The following LYPD6B variants were observed in gnomAD, a reference collection of about 807,000 sequenced individuals.
LYPD6B encodes ly6/PLAUR domain-containing protein 6B.
LYPD6B carries 17 observed loss-of-function variants against 22.8 expected under a neutral mutation model. That is an observed-to-expected ratio of 0.75 (90% CI 0.51 to 1.12). LYPD6B has a LOEUF of 1.12. Among genes scored for constraint, LYPD6B ranks in the 50% most tolerant of loss-of-function variants. The probability of loss-of-function intolerance (pLI) is 0.00; values close to 1 mark genes in which losing one functional copy is unlikely to be tolerated. For missense variants in LYPD6B, 221 were observed against 258.3 expected (o/e 0.86, Z 0.99); for synonymous variants, 106 against 91.6 (o/e 1.16, Z -0.90).
chr2:149,069,056 C>G (rs1684472901), intron 1 of LYPD6B: 1 of 152,926 alleles, frequency 6.5e-6, no homozygotes, highest in Non-Finnish European at 1.5e-5. Flanking sequence ...CCCCCAACCC[C>G]CACCCCGAAG....
At chr2:149,056,486 G>A (rs895952165) in intron 1 of LYPD6B, among the ~76,000 whole-genome samples, 16 of 151,998 alleles carry the variant, frequency 1.1e-4, no homozygotes, top group African/African-American at 3.9e-4. Flanking sequence ...TTTCTACCTT[G>A]TAGAATCAAA....
At chr2:149,107,205 A>G (rs1007579926) in intron 1 of LYPD6B, among the ~76,000 whole-genome samples, 2 of 152,202 alleles carry the variant, frequency 1.3e-5, no homozygotes, top group East Asian at 1.9e-4. Context: ...TAAAATGCCT[A>G]TATGATGAGA....
chr2:149,127,205 G>A (rs1240262324), intron 1 of LYPD6B, among the ~76,000 whole-genome samples: 1 of 151,826 alleles, frequency 6.6e-6, no homozygotes, highest in Non-Finnish European at 1.5e-5. Flanking sequence ...GTAATTGAGG[G>A]TGTAATTCTG....
At chr2:149,211,648 A>G (rs955573674) in intron 5 of LYPD6B, among the ~76,000 whole-genome samples, 14 of 152,186 alleles carry the variant, frequency 9.2e-5, no homozygotes, top group Middle Eastern at 3.2e-3. Flanking sequence ...CAAAAAAAAA[A>G]AAATGAGCTC....
chr2:149,171,073 G>A (rs1003042229), intron 3 of LYPD6B, among the ~76,000 whole-genome samples: 9 of 152,154 alleles, frequency 5.9e-5, no homozygotes, highest in African/African-American at 9.7e-5. Context: ...ATGTCCTGTC[G>A]GGTCAGTGTG....
At chr2:149,094,613 TAGAC>T (rs1685818159) in intron 1 of LYPD6B, among the ~76,000 whole-genome samples, 1 of 152,214 alleles carries the variant, frequency 6.6e-6, no homozygotes, top group Non-Finnish European at 1.5e-5. Context: ...CATTAGCTCT[TAGAC>T]AGATTCTTCT....
intron 3 of LYPD6B, among the ~76,000 whole-genome samples, chr2:149,176,959 T>C (rs1026863078): frequency 6.6e-6 from 1 of 152,228 alleles, no homozygotes; most frequent in African/African-American, 2.4e-5. Flanking sequence ...CCTGGTCATC[T>C]AAACATCCTC....
intron 3 of LYPD6B, among the ~76,000 whole-genome samples, chr2:149,195,619 C>T (rs952341272): frequency 3.0e-4 from 45 of 152,224 alleles, no homozygotes; most frequent in African/African-American, 1.1e-3. Context: ...CATATGTGCT[C>T]AGATAATCAT....
intron 1 of LYPD6B, among the ~76,000 whole-genome samples, chr2:149,048,311 A>G (rs1051442073): frequency 1.4e-4 from 21 of 152,166 alleles, no homozygotes; most frequent in African/African-American, 5.1e-4. Flanking sequence ...TAGTCAGAAG[A>G]TGAACTGGGT....
At chr2:149,171,793 A>G (rs1474067732) in intron 3 of LYPD6B, among the ~76,000 whole-genome samples, 1 of 152,162 alleles carries the variant, frequency 6.6e-6, no homozygotes, top group African/African-American at 2.4e-5. Flanking sequence ...ACACTCTACT[A>G]CTGAAATTTG....
intron 1 of LYPD6B, among the ~76,000 whole-genome samples, chr2:149,047,094 G>A (rs1683342811): frequency 6.6e-6 from 1 of 152,126 alleles, no homozygotes; most frequent in Non-Finnish European, 1.5e-5. Flanking sequence ...ATCTTTTATA[G>A]CAATTAAAAT....
chr2:149,120,065 T>A (rs1372216149), intron 1 of LYPD6B, among the ~76,000 whole-genome samples: 1 of 152,028 alleles, frequency 6.6e-6, no homozygotes, highest in Non-Finnish European at 1.5e-5. Context: ...ACTTATTGAT[T>A]GGAAGGCAGG....
chr2:149,122,894 C>G (rs184570137), intron 1 of LYPD6B, among the ~76,000 whole-genome samples: 2 of 152,306 alleles, frequency 1.3e-5, no homozygotes, highest in Admixed American at 6.5e-5. Context: ...TACCTTATAA[C>G]TGAGTACTGT....
At position 149,205,341 on chromosome 2, in the gene LYPD6B, T is replaced by G; in HGVS notation, c.166T>G (p.Phe56Val). ...TATAGCTGTTGTCCAGATCGTTATC[T>G]TCTCAGAAAGCTGGGCATTTGCCAA... ...LAIAVVQIVI[F>V]SESWAFAKNI... Residue 56 changes from phenylalanine (F) to valine (V), a missense_variant, in exon 4 of 7, where the codon TTC becomes GTC. Phe to Val is a conservative substitution (Grantham distance 50). Transcript: ENST00000409642. 1 of 1,614,042 alleles carries G rather than the reference T, an allele frequency of 6.2e-7. No homozygotes were observed. Among genetic ancestry groups the G allele is most frequent in the Non-Finnish European group, 8.5e-7 (1 of 1,179,866 alleles).
rs1477409529 is a variant in LYPD6B at position 149,214,672 on chromosome 2, C to T, written c.586C>T (p.Pro196Ser). The change falls in exon 7 of 7, where the codon CCA (proline) becomes TCA (serine). Residue 196 changes from proline to serine, a missense_variant. Physicochemically the swap from Pro to Ser is moderately conservative, Grantham distance 74 (BLOSUM62 -1). Transcript: ENST00000409642. Reference sequence around the variant, plus strand: ...CAGCAGTGCCCCCACACTCTACCTACCAGTGCTTGCCTGGGTCTTTGTGCT... The same window carrying T: ...CAGCAGTGCCCCCACACTCTACCTATCAGTGCTTGCCTGGGTCTTTGTGCT... ...SGSSAPTLYL[P>S]VLAWVFVLPL... 4 of 1,614,028 alleles carry T rather than the reference C, an allele frequency of 2.5e-6. No individual in the cohort carries two copies. Among genetic ancestry groups the T allele is most frequent in the Admixed American group, 1.7e-5 (1 of 60,034 alleles).
intron 5 of LYPD6B, among the ~76,000 whole-genome samples, chr2:149,210,261 A>G (rs1464359633): frequency 6.6e-6 from 1 of 152,148 alleles, no homozygotes. Flanking sequence ...CTGTTGAAAC[A>G]TGGCTGAACC....
chr2:149,071,181 T>C (rs1405267656), intron 1 of LYPD6B, among the ~76,000 whole-genome samples: 1 of 152,220 alleles, frequency 6.6e-6, no homozygotes. Context: ...TAATTAACTG[T>C]GCAAACATTC....
chr2:149,164,141 T>A (rs1277409312), intron 3 of LYPD6B, among the ~76,000 whole-genome samples: 1 of 152,156 alleles, frequency 6.6e-6, no homozygotes, highest in Non-Finnish European at 1.5e-5. Flanking sequence ...TAATCTCCTC[T>A]GGTTGATGAA....
intron 3 of LYPD6B, among the ~76,000 whole-genome samples, chr2:149,199,199 A>T (rs1042630040): frequency 6.6e-6 from 1 of 152,196 alleles, no homozygotes; most frequent in African/African-American, 2.4e-5. Context: ...TGCTCAATCC[A>T]CACCACAACT....
Sources: allele counts gnomAD v4.1 joint callset (sites outside exome capture counted in the v4.1 genomes callset), GRCh38; gene constraint gnomAD v4.1.1; transcripts MANE v1.5; gene names NCBI Gene and HGNC (gene_info 2026-07-23, HGNC 2026-07-21).